Variants in TNNI3K observed in about 807,000 individuals in gnomAD.
TNNI3K encodes TNNI3 interacting kinase, also known as serine/threonine-protein kinase TNNI3K.
TNNI3K carries 140 observed loss-of-function variants against 114.5 expected under a neutral mutation model. That is an observed-to-expected ratio of 1.22 (90% CI 1.07 to 1.41). The LOEUF is 1.41. Ranked by LOEUF, TNNI3K falls within the 40% of genes most tolerant of loss-of-function variation. The pLI is 0.00. For synonymous variants in TNNI3K, 347 were observed against 347.5 expected, an observed-to-expected ratio of 1.00 and a Z score of 0.02; for missense variants, 1,125 against 1,007.6, an observed-to-expected ratio of 1.12 and a Z score of -1.58.
intron 5 of TNNI3K, among the ~76,000 whole-genome samples, chr1:74,275,543 T>A (rs1158922545): frequency 2.6e-5 from 4 of 151,212 alleles, no homozygotes; most frequent in Non-Finnish European, 5.9e-5. Flanking sequence ...AGGGAAGGAG[T>A]TATGAGAGGG....
chr1:74,348,255 A>T (rs1409763226), intron 9 of TNNI3K, among the ~76,000 whole-genome samples: 1 of 152,210 alleles, frequency 6.6e-6, no homozygotes, highest in Non-Finnish European at 1.5e-5. Flanking sequence ...TAAATAGGGA[A>T]TCCTTTCCCC....
chr1:74,461,897 C>G (rs891676530), intron 20 of TNNI3K, among the ~76,000 whole-genome samples: 1 of 151,966 alleles, frequency 6.6e-6, no homozygotes, highest in African/African-American at 2.4e-5. Context: ...ACCTAAAATT[C>G]GGAAATGATT....
chr1:74,398,028 C>T (rs376941635), intron 17 of TNNI3K, among the ~76,000 whole-genome samples: 150 of 152,308 alleles, frequency 9.8e-4, no homozygotes, highest in South Asian at 9.5e-3. Context: ...TGGTTAAAAA[C>T]GTTTTAGAAA....
intron 5 of TNNI3K, among the ~76,000 whole-genome samples, chr1:74,290,472 A>G (rs1409072576): frequency 6.6e-6 from 1 of 151,816 alleles, no homozygotes; most frequent in African/African-American, 2.4e-5. Flanking sequence ...TACGAAAATA[A>G]TAAGAGATTG....
At chr1:74,486,201 A>AAGAGAGTATAAAGAGAGAGAGAGAG (rs1668752141) in intron 21 of TNNI3K, among the ~76,000 whole-genome samples, 3 of 136,410 alleles carry the variant, frequency 2.2e-5, no homozygotes, top group Non-Finnish European at 4.7e-5. Context: ...AAATGCTATA[A>AAGAGAGTATAAAGAGAGAGAGAGAG]AGAGAGAGAG....
chr1:74,540,220 T>C lies in TNNI3K; in HGVS notation c.2352-14T>C, dbSNP rs756653622. The C allele has an allele frequency of 1.2e-6, 2 of 1,609,746 alleles. No individual in the cohort carries two copies. Among genetic ancestry groups the C allele is most frequent in the East Asian group, 4.5e-5 (2 of 44,652 alleles). On this transcript the variant is annotated splice_polypyrimidine_tract_variant and intron_variant, in intron 23 of 24. Coordinates refer to ENST00000326637, the MANE Select transcript of TNNI3K (RefSeq NM_015978.3). ...ATCACCATACTGTGAAACTGTGTTT[T>C]ATTAATTTTCCAGTGCTGGACAATA...
At chr1:74,367,080 T>C (rs957297797) in intron 11 of TNNI3K, among the ~76,000 whole-genome samples, 176 bp from the exon 12 acceptor site, 5 of 151,992 alleles carry the variant, frequency 3.3e-5, no homozygotes, top group Admixed American at 3.3e-4. Context: ...CATATGGTAG[T>C]CTTAAGAAAT....
intron 9 of TNNI3K, 64 bp downstream of exon 9, chr1:74,343,243 G>T: frequency 6.6e-7 from 1 of 1,520,028 alleles, no homozygotes; most frequent in Non-Finnish European, 8.9e-7. Context: ...ACCTGAAGTT[G>T]TGGGTATAAA....
At chr1:74,322,726 G>A (rs1215319184) in intron 5 of TNNI3K, among the ~76,000 whole-genome samples, 1 of 152,066 alleles carries the variant, frequency 6.6e-6, no homozygotes, top group African/African-American at 2.4e-5. Context: ...CTCCCAAAGT[G>A]CTAGGATCAC....
chr1:74,437,260 G>C (rs1266772515), intron 19 of TNNI3K, among the ~76,000 whole-genome samples: 1 of 151,740 alleles, frequency 6.6e-6, no homozygotes, highest in Non-Finnish European at 1.5e-5. Context: ...TCAGATTCTC[G>C]TCACTTCTTT....
chr1:74,249,333 C>A, intron 2 of TNNI3K, 126 bp from the exon 3 acceptor site: 1 of 991,628 alleles, frequency 1.0e-6, no homozygotes, highest in Non-Finnish European at 1.4e-6. Context: ...TCTGTAAGTG[C>A]AAAATAATCT....
Position 74,439,374 on chromosome 1 carries a change from T to C in TNNI3K, c.1879-116T>C, listed in dbSNP as rs1027601726. 2.3e-5 allele frequency: 34 copies of C among 1,470,628 alleles called. No homozygotes were observed. In the African/African-American group the frequency reaches 4.4e-4, roughly 19 times the overall value. 91.1% of individuals were successfully genotyped at this position (1,470,628 alleles called of 1,614,324 possible). On this transcript the variant is annotated intron_variant, in intron 19 of 24. Transcript: ENST00000326637. ...ATATGTATGGATGTTAATTTATATT[T>C]ATGCCTTTTGAGAGCATCGGGAGAA...
At chr1:74,391,965 T>TTGTTTGTTTTTTG (rs1266105065) in intron 17 of TNNI3K, among the ~76,000 whole-genome samples, 44 of 136,342 alleles carry the variant, frequency 3.2e-4, no homozygotes, top group African/African-American at 1.1e-3. Context: ...TTATTTTTTT[T>TTGTTTGTTTTTTG]TTTTTTTTTT....
At chr1:74,272,364 AAAC>A (rs1656404342) in intron 5 of TNNI3K, among the ~76,000 whole-genome samples, 2 of 151,982 alleles carry the variant, frequency 1.3e-5, no homozygotes, top group African/African-American at 2.4e-5. Flanking sequence ...GGTAAAATGA[AAAC>A]AACGAGAGAG....
chr1:74,418,445 CA>C (rs1665237171), intron 17 of TNNI3K: 1 of 158,482 alleles, frequency 6.3e-6, no homozygotes, highest in South Asian at 1.7e-4. Flanking sequence ...TTAGAGTTCT[CA>C]GTAGTAATTT....
chr1:74,339,709 G>C (rs1449999607), intron 7 of TNNI3K, among the ~76,000 whole-genome samples: 1 of 151,856 alleles, frequency 6.6e-6, no homozygotes, highest in Non-Finnish European at 1.5e-5. Context: ...TTAAGTCTCT[G>C]TTTTGCTTCT....
intron 5 of TNNI3K, among the ~76,000 whole-genome samples, chr1:74,280,090 G>A (rs1355519454): frequency 6.6e-6 from 1 of 152,048 alleles, no homozygotes; most frequent in East Asian, 1.9e-4. Flanking sequence ...ATCAAGAAAA[G>A]AGGCACTGAA....
chr1:74,362,614 A>G (rs943368165), intron 11 of TNNI3K, among the ~76,000 whole-genome samples: 1 of 152,192 alleles, frequency 6.6e-6, no homozygotes, highest in African/African-American at 2.4e-5. Context: ...TTGAATAATT[A>G]TAAAGCATCT....
chr1:74,476,305 C>T (rs1054608757), intron 21 of TNNI3K, among the ~76,000 whole-genome samples: 1 of 152,148 alleles, frequency 6.6e-6, no homozygotes, highest in Non-Finnish European at 1.5e-5. Flanking sequence ...TCACTTTTTC[C>T]TGTCTTGACA....
Sources: allele counts gnomAD v4.1 joint callset (sites outside exome capture counted in the v4.1 genomes callset), GRCh38; gene constraint gnomAD v4.1.1; transcripts MANE v1.5; gene names NCBI Gene and HGNC (gene_info 2026-07-23, HGNC 2026-07-21).